SLC17A7: variants seen among roughly 807,000 people sequenced by gnomAD.
The protein encoded by SLC17A7 is solute carrier family 17 member 7.
Under a neutral mutation model 59.1 loss-of-function variants are expected in SLC17A7, and 15 were observed. The ratio of observed to expected loss-of-function variants is 0.25; its 90% CI spans 0.17 to 0.39. The LOEUF is 0.39. Ranked by LOEUF, SLC17A7 falls within the 10% of genes least tolerant of loss-of-function variation. SLC17A7 has a pLI of 1.00. For missense variants in SLC17A7, 499 were observed against 765.1 expected (o/e 0.65, Z 4.10); for synonymous variants, 353 against 308.9 (o/e 1.14, Z -1.50).
rs566161964 is a variant in SLC17A7 at position 49,433,830 on chromosome 19, C to T, written c.763G>A (p.Val255Ile). 187 of 1,613,016 alleles carry T rather than the reference C, an allele frequency of 1.2e-4. 2 individuals carry two copies. The South Asian group carries it at 1.8e-3, about 16-fold the overall frequency. Residue 255 changes from valine (V) to isoleucine (I), a missense_variant, in exon 7 of 12, where the codon GTC (valine) becomes ATC (isoleucine). Coordinates refer to ENST00000221485, the MANE Select transcript of SLC17A7 (RefSeq NM_020309.4). The surrounding 1 kb of genome is among the most constrained non-coding windows in gnomAD (Gnocchi z 5.7). Reference protein sequence around the residue: ...GIFWYLFWLLVSYESPALHPS... With the variant: ...GIFWYLFWLLISYESPALHPS... ...TGCAGCGCGGGGGACTCGTAGGAGA[C>T]GAGCAGCCAGAACAGGTACCAGAAG...
At position 49,433,234 on chromosome 19, in the gene SLC17A7, T is replaced by C. The variant is rs2078967697; in HGVS notation, c.868-274A>G. 6.2e-6 allele frequency: 3 copies of C among 487,408 alleles called. No individual in the cohort carries two copies. The highest frequency in any genetic ancestry group is 4.0e-5 in the African/African-American group (2 of 50,030). The allele number at this position is 487,408 out of a possible 1,614,324, so 30.2% of individuals were successfully genotyped here. On this transcript the variant is annotated intron_variant, in intron 7 of 11. Coordinates refer to ENST00000221485, the MANE Select transcript of SLC17A7 (RefSeq NM_020309.4). The surrounding 1 kb of genome is among the most constrained non-coding windows in gnomAD (Gnocchi z 5.7). ...GCCCCTCAGGGACCTGTCTTTTTCT[T>C]TTTTTCTTTTTATTTTTACTTTTTG...
chr19:49,433,975 CAG>C lies in SLC17A7; in HGVS notation c.707_708del (p.Ser236CysfsTer56). ...GVLVQYSGWS[S>X]VFYVYGSFGI... ...GGTCCCTCACCGTAGACGTAGAAAA[CAG>C]AGCTCCATCCTGAGTACTGCACAAG... is the stretch of plus-strand genomic sequence containing the variant. On this transcript the variant is annotated frameshift_variant, in exon 6 of 12. Transcript: ENST00000221485. LOFTEE classifies it high-confidence loss of function. This position sits in a 1 kb window ranked among gnomAD's most constrained non-coding sequence, Gnocchi z 5.7. 1 of 1,613,692 alleles carries C rather than the reference CAG, an allele frequency of 6.2e-7. No individual in the cohort carries two copies. Among genetic ancestry groups the C allele is most frequent in the Non-Finnish European group, 8.5e-7 (1 of 1,179,970 alleles).
Position 49,434,675 on chromosome 19 carries a change from G to C in SLC17A7, c.564C>G (p.Pro188=), listed in dbSNP as rs763717264. 3 of 1,614,110 alleles carry C rather than the reference G, an allele frequency of 1.9e-6. No homozygotes were observed. Among genetic ancestry groups the C allele is most frequent in the Non-Finnish European group, 2.5e-6 (3 of 1,179,996 alleles). ...LQGLVEGVTY[P]ACHGIWSKWA... ...ATTTGCTCCAGATCCCATGGCAGGC[G>C]GGGTATGTGACCCCCTAAAGAGGAG... Residue 188 remains proline, a synonymous_variant, in exon 5 of 12, where the codon CCC becomes CCG. Coordinates refer to ENST00000221485, the MANE Select transcript of SLC17A7 (RefSeq NM_020309.4).
In SLC17A7 at chr19:49,436,425, A is replaced by G. The variant is rs1181282956; in HGVS notation, c.315+124T>C. The G allele has an allele frequency of 7.6e-7, 1 of 1,322,002 alleles. No homozygotes were observed. Among genetic ancestry groups the G allele is most frequent in the Non-Finnish European group, 1.0e-6 (1 of 962,738 alleles). 81.9% of individuals were successfully genotyped at this position (1,322,002 alleles called of 1,614,324 possible). On this transcript the variant is annotated intron_variant, in intron 2 of 11. Coordinates refer to ENST00000221485, the MANE Select transcript of SLC17A7 (RefSeq NM_020309.4). The surrounding 1 kb of genome is among the most constrained non-coding windows in gnomAD (Gnocchi z 4.1). ...AGGGGCGCACGGATTGGGCGGAGCTATTCCGACAGCGTTTCGGAAGGGGCG... is the reference window on the plus strand; with the variant it reads ...AGGGGCGCACGGATTGGGCGGAGCTGTTCCGACAGCGTTTCGGAAGGGGCG...
chr19:49,441,404 C>A lies in SLC17A7; in HGVS notation c.-25G>T, dbSNP rs780471270. The A allele has an allele frequency of 1.3e-6, 2 of 1,488,984 alleles. No homozygotes were observed. 92.2% of individuals were successfully genotyped at this position (1,488,984 alleles called of 1,614,324 possible). A position where few individuals can be genotyped will look rare whatever the true frequency, so the allele number is the denominator to read the frequency against. On this transcript the variant is annotated 5_prime_UTR_variant, in exon 1 of 12. Transcript: ENST00000221485. ...TGGTGGCGGCTCCTGCCGCCGGTCA[C>A]CCCGCGGGTCCCCCCCGCCGATCCC...
At position 49,433,708 on chromosome 19, in the gene SLC17A7, G is replaced by T. The variant is rs754277576; in HGVS notation, c.867+18C>A. ...TGCTATCTCTCCCCGCCCCTTCCCC[G>T]AAGATTTGGTCCCGGACCGTGAGGG... On this transcript the variant is annotated intron_variant, in intron 7 of 11. Coordinates refer to ENST00000221485, the MANE Select transcript of SLC17A7 (RefSeq NM_020309.4). This position sits in a 1 kb window ranked among gnomAD's most constrained non-coding sequence, Gnocchi z 5.7. The T allele has an allele frequency of 2.4e-5, 39 of 1,613,948 alleles. 1 individual carries two copies. The South Asian group carries it at 4.0e-4, about 16-fold the overall frequency.
In SLC17A7 at chr19:49,431,290, C is replaced by T. The variant is rs1331542006; in HGVS notation, c.1261+48G>A. On this transcript the variant is annotated intron_variant, in intron 10 of 11. Transcript: ENST00000221485. The surrounding 1 kb of genome is among the most constrained non-coding windows in gnomAD (Gnocchi z 4.6). The stretch of plus-strand genomic sequence containing the variant: ...CCCCGTTCCTGAGCCAGGAAGTTCC[C>T]TACAGAGCTGACCAGAGTCCCCCAA... The T allele has an allele frequency of 4.4e-6, 7 of 1,605,178 alleles. No homozygotes were observed. Among genetic ancestry groups the T allele is most frequent in the Non-Finnish European group, 6.0e-6 (7 of 1,173,760 alleles).
In SLC17A7 at chr19:49,431,237, A is replaced by C; in HGVS notation, c.1262-95T>G. The C allele has an allele frequency of 6.3e-7, 1 of 1,579,354 alleles. No individual in the cohort carries two copies. The highest frequency in any genetic ancestry group is 8.6e-7 in the Non-Finnish European group (1 of 1,157,604). Reference sequence around the variant, plus strand: ...CAACCCTCTCCCCTCCCCGCCACTCATGTTCCACCTTTTGTGAGGCTGAGA... The same window carrying C: ...CAACCCTCTCCCCTCCCCGCCACTCCTGTTCCACCTTTTGTGAGGCTGAGA... On this transcript the variant is annotated intron_variant, in intron 10 of 11. Transcript: ENST00000221485. The surrounding 1 kb of genome is among the most constrained non-coding windows in gnomAD (Gnocchi z 4.6).
At chr19:49,434,976 C>G in intron 3 of SLC17A7, 94 bp from the exon 4 acceptor site, 1 of 1,279,098 alleles carries the variant, frequency 7.8e-7, no homozygotes, top group Non-Finnish European at 1.1e-6. Context: ...CCAGTGGTCC[C>G]CGGGACCCCA....
In SLC17A7 at chr19:49,431,325, C is replaced by G. The variant is rs763516670; in HGVS notation, c.1261+13G>C. 2 of 1,613,016 alleles carry G rather than the reference C, an allele frequency of 1.2e-6. No homozygotes were observed. Among genetic ancestry groups the G allele is most frequent in the Non-Finnish European group, 1.7e-6 (2 of 1,179,302 alleles). On this transcript the variant is annotated intron_variant, in intron 10 of 11. Coordinates refer to ENST00000221485, the MANE Select transcript of SLC17A7 (RefSeq NM_020309.4). This position sits in a 1 kb window ranked among gnomAD's most constrained non-coding sequence, Gnocchi z 4.6. ...GACCAGAGTCCCCCAAGCTGCGGAT[C>G]CGCGGTTCTCACCAGAGATGGCGAA...
chr19:49,441,211 C>T, intron 1 of SLC17A7, 107 bp downstream of exon 1: 1 of 1,524,734 alleles, frequency 6.6e-7, no homozygotes. Flanking sequence ...ATGGGTGGAC[C>T]CCCATGCCGG....
In SLC17A7 at chr19:49,430,543, G is replaced by C. The variant is rs147944947; in HGVS notation, c.1659C>G (p.Pro553=). 2 of 1,588,162 alleles carry C rather than the reference G, an allele frequency of 1.3e-6. No homozygotes were observed. The highest frequency in any genetic ancestry group is 1.2e-5 in the South Asian group (1 of 86,254). The change falls in exon 12 of 12, where the codon CCC becomes CCG. Residue 553 remains proline, a synonymous_variant. Coordinates refer to ENST00000221485, the MANE Select transcript of SLC17A7 (RefSeq NM_020309.4). ...GTCAGTAGTCCCGGACAGGGGGTGG[G>C]GGCCTGGGGGGCTGAAATGTGCTGT... is the stretch of plus-strand genomic sequence containing the variant. ...ATHSTFQPPR[P]PPPVRDY
chr19:49,435,503 G>T, intron 2 of SLC17A7: 1 of 494,492 alleles, frequency 2.0e-6, no homozygotes, highest in Non-Finnish European at 3.6e-6. Flanking sequence ...CTTAACAACA[G>T]AGTCCATCAC....
rs1339911881 is a variant in SLC17A7 at position 49,433,049 on chromosome 19, G to C, written c.868-89C>G. Reference sequence around the variant, plus strand: ...TCAGGGACCACAGTGTAGTTCTGCAGAAACCAAAGGATCCCGACCGCACTG... The same window carrying C: ...TCAGGGACCACAGTGTAGTTCTGCACAAACCAAAGGATCCCGACCGCACTG... On this transcript the variant is annotated intron_variant, in intron 7 of 11. Coordinates refer to ENST00000221485, the MANE Select transcript of SLC17A7 (RefSeq NM_020309.4). The surrounding 1 kb of genome is among the most constrained non-coding windows in gnomAD (Gnocchi z 5.7). The C allele has an allele frequency of 2.2e-6, 3 of 1,353,006 alleles. No individual in the cohort carries two copies. The highest frequency in any genetic ancestry group is 2.0e-4 in the Middle Eastern group (1 of 4,954). The allele number at this position is 1,353,006 out of a possible 1,614,324, so 83.8% of individuals were successfully genotyped here.
At chr19:49,439,699 C>T (rs1000468671) in intron 1 of SLC17A7, among the ~76,000 whole-genome samples, 2 of 152,202 alleles carry the variant, frequency 1.3e-5, no homozygotes, top group Non-Finnish European at 2.9e-5. Context: ...TCAGAGCAAA[C>T]CCCAGGCATT....
Position 49,441,301 on chromosome 19 carries a change from AC to A in SLC17A7, c.62+16del, listed in dbSNP as rs746542032. 1.2e-6 allele frequency: 2 copies of A among 1,606,636 alleles called. No individual in the cohort carries two copies. Among genetic ancestry groups the A allele is most frequent in the Non-Finnish European group, 8.5e-7 (1 of 1,177,942 alleles). On this transcript the variant is annotated intron_variant, in intron 1 of 11. Transcript: ENST00000221485. ...CAGATCCTCCCACTCTTCTCCCGGG[AC>A]CCCCGCCAGGCTCACCGGTGCAGCT...
chr19:49,431,462 G>A lies in SLC17A7; in HGVS notation c.1151-14C>T, dbSNP rs1255008829. 4 of 1,608,412 alleles carry A rather than the reference G, an allele frequency of 2.5e-6. No individual in the cohort carries two copies. The highest frequency in any genetic ancestry group is 2.2e-5 in the East Asian group (1 of 44,842). ...CCATGCCGAAGCCTACGGGGGCGGG[G>A]GGGGCCCGCGTCTCCTGAGTGTCGG... On this transcript the variant is annotated splice_polypyrimidine_tract_variant and intron_variant, in intron 9 of 11. Coordinates refer to ENST00000221485, the MANE Select transcript of SLC17A7 (RefSeq NM_020309.4). This position sits in a 1 kb window ranked among gnomAD's most constrained non-coding sequence, Gnocchi z 4.6.
Position 49,431,353 on chromosome 19 carries a change from C to T in SLC17A7, c.1246G>A (p.Gly416Ser). 1 of 1,614,134 alleles carries T rather than the reference C, an allele frequency of 6.2e-7. No individual in the cohort carries two copies. Among genetic ancestry groups the T allele is most frequent in the Non-Finnish European group, 8.5e-7 (1 of 1,179,990 alleles). The change falls in exon 10 of 12, where the codon GGC (glycine) becomes AGC (serine). Residue 416 changes from glycine (G) to serine (S), a missense_variant. Physicochemically the swap from Gly to Ser is moderately conservative, Grantham distance 56. This residue lies in a region of SLC17A7 where 323 missense variants were observed against 607.2 expected (regional missense o/e 0.53). Transcript: ENST00000221485. The surrounding 1 kb of genome is among the most constrained non-coding windows in gnomAD (Gnocchi z 4.6). The part of the protein sequence containing the change: ...SFLVLAVGFS[G>S]FAISGFNVNH... ...CGGTTCTCACCAGAGATGGCGAAGC[C>T]GCTGAAGCCCACGGCTAGGACCAGG... is the stretch of plus-strand genomic sequence containing the variant.
At chr19:49,439,861 A>G (rs905399254) in intron 1 of SLC17A7, among the ~76,000 whole-genome samples, 5 of 152,036 alleles carry the variant, frequency 3.3e-5, no homozygotes, top group African/African-American at 1.2e-4. Context: ...AGAGGCAGAG[A>G]CTGAGGGAGG....
Sources: allele counts gnomAD v4.1 joint callset (sites outside exome capture counted in the v4.1 genomes callset), GRCh38; gene constraint gnomAD v4.1.1; regional missense constraint gnomAD v4.1.1; non-coding constraint Gnocchi (gnomAD v3.1); transcripts MANE v1.5; gene names NCBI Gene and HGNC (gene_info 2026-07-23, HGNC 2026-07-21).